Variants in APOLD1 observed in about 807,000 individuals in gnomAD.
The protein encoded by APOLD1 is apolipoprotein L domain containing 1, also known as apolipoprotein L domain-containing protein 1.
In APOLD1, 22 loss-of-function variants were observed where a neutral mutation model predicts 15.3. The ratio of observed to expected loss-of-function variants is 1.44; its 90% CI spans 1.03 to 2.05. The LOEUF (loss-of-function observed/expected upper bound fraction) is 2.05. APOLD1 is among the 30% of genes most tolerant of loss of function. The pLI is 0.00. For synonymous variants in APOLD1, 190 were observed against 167.4 expected (o/e 1.13, Z -1.04); for missense variants, 394 against 353.5 (o/e 1.11, Z -0.92).
At chr12:12,771,924 A>G (rs1022165009) in intron 1 of APOLD1, among the ~76,000 whole-genome samples, 2 of 152,178 alleles carry the variant, frequency 1.3e-5, no homozygotes, top group African/African-American at 4.8e-5. Flanking sequence ...GATTCATTGT[A>G]AATGTATATT....
intron 1 of APOLD1, chr12:12,726,156 C>CAAAAAAAAAAAAAAA (rs745785485): frequency 3.5e-5 from 4 of 113,672 alleles, no homozygotes; most frequent in South Asian, 1.8e-4. Flanking sequence ...TCTTCGCAAC[C>CAAAAAAAAAAAAAAA]AAAAAAAAAA....
chr12:12,756,645 T>C (rs1192131501), intron 1 of APOLD1, among the ~76,000 whole-genome samples: 1 of 152,196 alleles, frequency 6.6e-6, no homozygotes, highest in African/African-American at 2.4e-5. Context: ...AACAGAAGCT[T>C]GTACCCATTA....
chr12:12,770,526 G>A (rs1323570909), intron 1 of APOLD1, among the ~76,000 whole-genome samples: 2 of 142,028 alleles, frequency 1.4e-5, no homozygotes, highest in Non-Finnish European at 1.5e-5. Flanking sequence ...GATATCTCAA[G>A]AGAAACCTCC....
intron 1 of APOLD1, among the ~76,000 whole-genome samples, chr12:12,770,380 G>C (rs1038882378): frequency 1.3e-5 from 2 of 152,188 alleles, no homozygotes; most frequent in African/African-American, 4.8e-5. Context: ...ACTACAGCCT[G>C]GGTGACAGAG....
upstream of APOLD1, among the ~76,000 whole-genome samples, chr12:12,783,079 G>T (rs996392209): frequency 6.6e-6 from 1 of 151,880 alleles, no homozygotes; most frequent in Non-Finnish European, 1.5e-5. Context: ...AGTGGTGCAC[G>T]CCTGTAATCC....
chr12:12,790,633 G>A lies in APOLD1; in HGVS notation c.*2981G>A, dbSNP rs1947177930. ...TGGCCCACTTTATTTCTAAGGAAGA[G>A]TGTCTACTTTGGAACGATACTTTGC... On this transcript the variant is annotated 3_prime_UTR_variant, in exon 2 of 2. Transcript: ENST00000356591. The A allele has an allele frequency of 6.6e-6, 1 of 152,174 alleles. No individual in the cohort carries two copies. The highest frequency in any genetic ancestry group is 2.4e-5 in the African/African-American group (1 of 41,448). The allele number at this position is 152,174 out of a possible 1,614,324, so 9.4% of individuals were successfully genotyped here. A position where few individuals can be genotyped will look rare whatever the true frequency, so the allele number is the denominator to read the frequency against.
chr12:12,777,893 T>TTTTTTTTTTTG (rs1947048297), intron 1 of APOLD1, among the ~76,000 whole-genome samples: 1 of 6,398 alleles, frequency 1.6e-4, no homozygotes, highest in Non-Finnish European at 5.3e-4. Flanking sequence ...AAAGGTGTTT[T>TTTTTTTTTTTG]TTTTTTTTTT....
At chr12:12,733,160 CAA>C (rs10569123) in intron 1 of APOLD1, among the ~76,000 whole-genome samples, 31,297 of 138,180 alleles carry the variant, frequency 0.23, 4,031 homozygotes, top group African/African-American at 0.36. Flanking sequence ...CAAAAAACAC[CAA>C]AAAAAAAAAA....
intron 1 of APOLD1, among the ~76,000 whole-genome samples, chr12:12,742,171 T>C (rs185254264): frequency 6.6e-6 from 1 of 152,158 alleles, no homozygotes; most frequent in Non-Finnish European, 1.5e-5. Flanking sequence ...TGCACCTTAG[T>C]CTCTCCTGAG....
At chr12:12,726,287 T>C in intron 1 of APOLD1, 1 of 693,132 alleles carries the variant, frequency 1.4e-6, no homozygotes, top group Non-Finnish European at 2.6e-6. Flanking sequence ...AAGTTTTCTT[T>C]GATTTCCAGA....
chr12:12,770,780 TA>T (rs59764569), intron 1 of APOLD1, among the ~76,000 whole-genome samples: 296 of 142,492 alleles, frequency 2.1e-3, no homozygotes, highest in Middle Eastern at 0.011. Context: ...GAATACATGT[TA>T]AAAAAAAAAA....
chr12:12,777,792 C>T (rs142708966), intron 1 of APOLD1, among the ~76,000 whole-genome samples: 66 of 150,438 alleles, frequency 4.4e-4, no homozygotes, highest in African/African-American at 1.3e-3. Flanking sequence ...CAGATGGAGA[C>T]GGCAATTCCA....
upstream of APOLD1, among the ~76,000 whole-genome samples, chr12:12,784,964 T>A (rs552933941): frequency 1.3e-5 from 2 of 152,340 alleles, no homozygotes; most frequent in South Asian, 4.2e-4. Context: ...CAATGCCCTA[T>A]TGTGGTTGAA....
At chr12:12,728,679 AAAAAAAAAAAAAGAG>A (rs1158549250) in intron 1 of APOLD1, among the ~76,000 whole-genome samples, 2 of 150,280 alleles carry the variant, frequency 1.3e-5, no homozygotes, top group Non-Finnish European at 3.0e-5. Flanking sequence ...AAAAAAAAAA[AAAAAAAAAAAAAGAG>A]AGAGAAAGAA....
At chr12:12,730,195 T>G (rs1946627690) in intron 1 of APOLD1, among the ~76,000 whole-genome samples, 5 of 151,974 alleles carry the variant, frequency 3.3e-5, no homozygotes. Context: ...ATTACAGGCA[T>G]GAGCCATCAT....
At chr12:12,735,395 A>C (rs1157324204) in intron 1 of APOLD1, among the ~76,000 whole-genome samples, 1 of 152,094 alleles carries the variant, frequency 6.6e-6, no homozygotes, top group Non-Finnish European at 1.5e-5. Context: ...TTTCAAGTTG[A>C]GACCTGGAAG....
chr12:12,786,977 G>T lies in APOLD1; in HGVS notation c.72G>T (p.Leu24=). The change falls in exon 2 of 2, where the codon CTG becomes CTT. Residue 24 remains leucine, a synonymous_variant. Transcript: ENST00000356591. The part of the protein sequence containing the change: ...PDALRRFQGL[L]LDRRGRLHGQ... ...CGCTGCGGCGCTTCCAGGGACTGCT[G>T]CTGGACCGCCGAGGCCGGCTGCACG... 1 of 1,437,956 alleles carries T rather than the reference G, an allele frequency of 7.0e-7. No homozygotes were observed. Among genetic ancestry groups the T allele is most frequent in the Non-Finnish European group, 9.0e-7 (1 of 1,106,206 alleles). 89.1% of individuals were successfully genotyped at this position (1,437,956 alleles called of 1,614,324 possible).
intron 1 of APOLD1, among the ~76,000 whole-genome samples, chr12:12,743,704 C>A (rs1416330054): frequency 7.9e-5 from 12 of 152,186 alleles, no homozygotes; most frequent in Admixed American, 7.9e-4. Context: ...TGCTGATTTG[C>A]TGACTATAAA....
At chr12:12,768,822 T>C (rs1946961582) in intron 1 of APOLD1, among the ~76,000 whole-genome samples, 1 of 152,092 alleles carries the variant, frequency 6.6e-6, no homozygotes, top group African/African-American at 2.4e-5. Context: ...TTACTTTTTT[T>C]TTTTTAGCAT....
Sources: allele counts gnomAD v4.1 joint callset (sites outside exome capture counted in the v4.1 genomes callset), GRCh38; gene constraint gnomAD v4.1.1; transcripts MANE v1.5; gene names NCBI Gene and HGNC (gene_info 2026-07-23, HGNC 2026-07-21).